The following SMARCA2 variants were observed in gnomAD, a reference collection of about 807,000 sequenced individuals.
The protein encoded by SMARCA2 is SWI/SNF related BAF chromatin remodeling complex subunit ATPase 2.
A neutral mutation model predicts 199.8 loss-of-function variants in SMARCA2; 61 were observed. The observed-to-expected ratio is 0.31, with a 90% CI of 0.25 to 0.38. SMARCA2 has a LOEUF of 0.38. Ranked by LOEUF, SMARCA2 falls within the 10% of genes least tolerant of loss-of-function variation. The pLI is 1.00. For synonymous variants in SMARCA2, 935 were observed against 732.0 expected, an observed-to-expected ratio of 1.28 and a Z score of -4.48; for missense variants, 1,344 against 2,012.2, an observed-to-expected ratio of 0.67 and a Z score of 6.35.
At chr9:2,137,013 T>G (rs932588669) in intron 27 of SMARCA2, among the ~76,000 whole-genome samples, 3 of 152,130 alleles carry the variant, frequency 2.0e-5, no homozygotes, top group Non-Finnish European at 2.9e-5. Flanking sequence ...GCAACTGGGT[T>G]TATCTTCCTG....
At chr9:2,157,386 T>C (rs1419002601) in intron 27 of SMARCA2, among the ~76,000 whole-genome samples, 1 of 152,160 alleles carries the variant, frequency 6.6e-6, no homozygotes, top group Non-Finnish European at 1.5e-5. Flanking sequence ...CTGCATTCTT[T>C]AACGCTTAGC....
At chr9:2,145,284 C>T (rs1027053671) in intron 27 of SMARCA2, among the ~76,000 whole-genome samples, 7 of 134,830 alleles carry the variant, frequency 5.2e-5, no homozygotes, top group African/African-American at 1.9e-4. Context: ...GCCTGGGTGA[C>T]AGAGTGAAGA....
chr9:2,093,746 C>A (rs572579606), intron 19 of SMARCA2, among the ~76,000 whole-genome samples: 1 of 152,238 alleles, frequency 6.6e-6, no homozygotes, highest in East Asian at 1.9e-4. Context: ...TTTCAACAGC[C>A]ACATCATGGT....
At chr9:2,049,325 G>A (rs939339774) in intron 5 of SMARCA2, among the ~76,000 whole-genome samples, 1 of 151,986 alleles carries the variant, frequency 6.6e-6, no homozygotes, top group Non-Finnish European at 1.5e-5. Context: ...GAACTTTTTT[G>A]GAGATTACCT....
chr9:2,108,761 A>C (rs1822866164), intron 23 of SMARCA2, among the ~76,000 whole-genome samples: 1 of 152,188 alleles, frequency 6.6e-6, no homozygotes. Flanking sequence ...CCATGATCTC[A>C]GAAAGCCAAT....
intron 27 of SMARCA2, among the ~76,000 whole-genome samples, chr9:2,126,139 T>G (rs7041113): frequency 0.025 from 3,777 of 152,322 alleles, 90 homozygotes; most frequent in Non-Finnish European, 0.032. Context: ...GCGCATCTAG[T>G]AAACTTCCTT....
chr9:2,185,106 TTTGATGGGCAACAGA>T (rs1827342664), intron 31 of SMARCA2, among the ~76,000 whole-genome samples: 1 of 152,014 alleles, frequency 6.6e-6, no homozygotes, highest in African/African-American at 2.4e-5. Context: ...GTATATTCAC[TTTGATGGGCAACAGA>T]TCTTCAGAAC....
rs1458004978 is a variant in SMARCA2, at chr9:2,070,608, A to G, written c.1746+137A>G. On this transcript the variant is annotated intron_variant, in intron 10 of 33. Coordinates refer to ENST00000349721, the MANE Select transcript of SMARCA2 (RefSeq NM_003070.5). ...AGTAAAAATAGTAATACATTAGCAT[A>G]GTAGAAAATTAGAATGATACAAAAG... 9.5e-6 allele frequency: 6 copies of G among 634,104 alleles called. No individual in the cohort carries two copies. In the East Asian group the frequency reaches 1.7e-4, roughly 18 times the overall value. 39.3% of individuals were successfully genotyped at this position (634,104 alleles called of 1,614,324 possible). A position where few individuals can be genotyped will look rare whatever the true frequency, so the allele number is the denominator to read the frequency against.
intron 3 of SMARCA2, among the ~76,000 whole-genome samples, chr9:2,036,177 AGTGTGTGT>A (rs140964092): frequency 1.3e-4 from 19 of 147,832 alleles, no homozygotes; most frequent in African/African-American, 4.7e-4. Context: ...ATATTTAAAT[AGTGTGTGT>A]GTGTGTGTGT....
Position 2,056,566 on chromosome 9 carries a change from G to C in SMARCA2, c.1174-106G>C. 1 of 982,476 alleles carries C rather than the reference G, an allele frequency of 1.0e-6. No individual in the cohort carries two copies. Among genetic ancestry groups the C allele is most frequent in the Non-Finnish European group, 1.5e-6 (1 of 677,296 alleles). The allele number at this position is 982,476 out of a possible 1,614,324, so 60.9% of individuals were successfully genotyped here. ...CAAAGGTGATTGAGAAGCTTGTGGAGATTCCCCGCCCCACTCTATTCCATT... is the reference window on the plus strand; with the variant it reads ...CAAAGGTGATTGAGAAGCTTGTGGACATTCCCCGCCCCACTCTATTCCATT... On this transcript the variant is annotated intron_variant, in intron 6 of 33. Transcript: ENST00000349721. The surrounding 1 kb of genome is among the most constrained non-coding windows in gnomAD (Gnocchi z 4.0).
In SMARCA2 at chr9:2,119,184, CTTG is replaced by C. The variant is rs1406767873; in HGVS notation, c.3685-269_3685-267del. 1.3e-5 allele frequency among the ~76,000 whole-genome samples: 2 copies of C among 152,174 alleles called. No homozygotes were observed. The highest frequency in any genetic ancestry group is 1.9e-4 in the East Asian group (1 of 5,190). On this transcript the variant is annotated intron_variant, in intron 25 of 33. Transcript: ENST00000349721. The surrounding 1 kb of genome is among the most constrained non-coding windows in gnomAD (Gnocchi z 4.6). ...ACTGAAGCGAGGAGACATTAAGTAA[CTTG>C]TTGTAAAAGTAACAGAATCAAGATA... is the stretch of plus-strand genomic sequence containing the variant.
intron 21 of SMARCA2, 95 bp downstream of exon 21, chr9:2,097,566 T>C (rs1822324739): frequency 1.4e-6 from 1 of 724,490 alleles, no homozygotes; most frequent in Non-Finnish European, 2.3e-6. Context: ...AAAACCAAAA[T>C]AGATTTAAAA....
intron 5 of SMARCA2, among the ~76,000 whole-genome samples, chr9:2,052,911 C>T (rs1488532120): frequency 6.6e-6 from 1 of 152,156 alleles, no homozygotes; most frequent in African/African-American, 2.4e-5. Flanking sequence ...TCTGTCCTCC[C>T]AGCTCTGTAC....
In SMARCA2 at chr9:2,118,226, C is replaced by T. The variant is rs561863610; in HGVS notation, c.3685-1232C>T. Among the ~76,000 whole-genome samples, 3 of 152,304 alleles carry T rather than the reference C, an allele frequency of 2.0e-5. No individual in the cohort carries two copies. The South Asian group carries it at 6.2e-4, about 32-fold the overall frequency. On this transcript the variant is annotated intron_variant, in intron 25 of 33. Coordinates refer to ENST00000349721, the MANE Select transcript of SMARCA2 (RefSeq NM_003070.5). ...CTGTGAAGTCTGAACCCACTCCCAGCTAGTCTGTGTCCTTGTCAGATGAAA... is the reference window on the plus strand; with the variant it reads ...CTGTGAAGTCTGAACCCACTCCCAGTTAGTCTGTGTCCTTGTCAGATGAAA...
intron 1 of SMARCA2, among the ~76,000 whole-genome samples, chr9:2,025,236 A>G (rs1470786879): frequency 6.6e-6 from 1 of 152,124 alleles, no homozygotes; most frequent in Non-Finnish European, 1.5e-5. Flanking sequence ...TATACTGCTG[A>G]GAAATTCTTG....
chr9:2,061,100 T>C (rs936898293), intron 9 of SMARCA2, 114 bp downstream of exon 9: 6 of 1,033,222 alleles, frequency 5.8e-6, no homozygotes, highest in African/African-American at 4.8e-5. Context: ...GTTTAGATGA[T>C]TGAATTGTGA....
chr9:2,102,985 C>G (rs1170969652), intron 22 of SMARCA2, among the ~76,000 whole-genome samples: 3 of 147,258 alleles, frequency 2.0e-5, no homozygotes, highest in African/African-American at 7.5e-5. Flanking sequence ...TTTAATTTCT[C>G]AAATCCTTCT....
At position 2,088,879 on chromosome 9, in the gene SMARCA2, A is replaced by ATTTTTTTTTTTT. The variant is rs375056248; in HGVS notation, c.2883+270_2883+281dup. ...AGTCTCATTTACATTTTAATTTTAG[A>ATTTTTTTTTTTT]TTTTTTTTTTTTTTTAAATTACGGA... On this transcript the variant is annotated intron_variant, in intron 19 of 33. Coordinates refer to ENST00000349721, the MANE Select transcript of SMARCA2 (RefSeq NM_003070.5). Among the ~76,000 whole-genome samples the ATTTTTTTTTTTT allele has an allele frequency of 0.014, 1,910 of 137,824 alleles. 55 individuals carry two copies. Among genetic ancestry groups the ATTTTTTTTTTTT allele is most frequent in the African/African-American group, 0.049 (1,693 of 34,716 alleles). 90.4% of individuals were successfully genotyped at this position (137,824 alleles called of 152,430 possible).
Position 2,076,341 on chromosome 9 carries a change from A to T in SMARCA2, c.2036+12A>T, listed in dbSNP as rs1231613123. 1 of 1,475,190 alleles carries T rather than the reference A, an allele frequency of 6.8e-7. No individual in the cohort carries two copies. The highest frequency in any genetic ancestry group is 2.3e-5 in the East Asian group (1 of 44,194). The allele number at this position is 1,475,190 out of a possible 1,614,324, so 91.4% of individuals were successfully genotyped here. A position where few individuals can be genotyped will look rare whatever the true frequency, so the allele number is the denominator to read the frequency against. Reference sequence around the variant, plus strand: ...AAGCAGATCATTGAGTATGTACTGCATTTTTCCCTTGGAAATGCATTGCAT... The same window carrying T: ...AAGCAGATCATTGAGTATGTACTGCTTTTTTCCCTTGGAAATGCATTGCAT... On this transcript the variant is annotated intron_variant, in intron 13 of 33. Coordinates refer to ENST00000349721, the MANE Select transcript of SMARCA2 (RefSeq NM_003070.5).
Sources: allele counts gnomAD v4.1 joint callset (sites outside exome capture counted in the v4.1 genomes callset), GRCh38; gene constraint gnomAD v4.1.1; non-coding constraint Gnocchi (gnomAD v3.1); transcripts MANE v1.5; gene names NCBI Gene and HGNC (gene_info 2026-07-23, HGNC 2026-07-21).